SND1: variants seen among roughly 807,000 people sequenced by gnomAD.
The protein encoded by SND1 is staphylococcal nuclease domain-containing protein 1.
A neutral mutation model predicts 121.7 loss-of-function variants in SND1; 38 were observed. The ratio of observed to expected loss-of-function variants is 0.31; its 90% CI spans 0.24 to 0.41. The LOEUF (loss-of-function observed/expected upper bound fraction) is 0.41, where lower values mean the gene tolerates loss of function less well. Among genes scored for constraint, SND1 ranks in the 10% least tolerant of loss-of-function variants. The probability of loss-of-function intolerance (pLI) is 1.00; values close to 1 mark genes in which losing one functional copy is unlikely to be tolerated. For synonymous variants in SND1, 401 were observed against 447.4 expected (o/e 0.90, Z 1.31); for missense variants, 868 against 1,184.6 (o/e 0.73, Z 3.92).
intron 15 of SND1, among the ~76,000 whole-genome samples, chr7:127,953,158 G>C (rs1308563167): frequency 4.5e-3 from 21 of 4,616 alleles, no homozygotes; most frequent in Admixed American, 8.4e-3. Context: ...GACCGTGTGT[G>C]TGTGTGTGTG....
At chr7:127,660,042 G>A (rs3808108) in intron 1 of SND1, among the ~76,000 whole-genome samples, 8 of 148,182 alleles carry the variant, frequency 5.4e-5, no homozygotes, top group African/African-American at 1.0e-4. Context: ...TTTAGTTTGA[G>A]AAAGAAGATT....
intron 13 of SND1, among the ~76,000 whole-genome samples, chr7:127,890,006 C>T (rs1057111658): frequency 2.6e-5 from 4 of 152,032 alleles, no homozygotes; most frequent in Non-Finnish European, 4.4e-5. Flanking sequence ...GATATCTCTT[C>T]GATATACTAA....
At chr7:128,045,392 C>T (rs920044792) in intron 16 of SND1, among the ~76,000 whole-genome samples, 3 of 152,202 alleles carry the variant, frequency 2.0e-5, no homozygotes, top group African/African-American at 7.2e-5. Flanking sequence ...TCCATCCTGT[C>T]AGTTCTTATT....
At chr7:127,791,951 T>C (rs1200418082) in intron 10 of SND1, among the ~76,000 whole-genome samples, 1 of 152,258 alleles carries the variant, frequency 6.6e-6, no homozygotes, top group African/African-American at 2.4e-5. Context: ...AGCCTTCCTG[T>C]GATTGGGCTT....
intron 16 of SND1, among the ~76,000 whole-genome samples, chr7:128,002,696 A>G (rs1274906915): frequency 6.6e-6 from 1 of 152,186 alleles, no homozygotes; most frequent in Non-Finnish European, 1.5e-5. Flanking sequence ...GTCCTCTGTG[A>G]CATTGTCACA....
At chr7:127,931,874 T>C (rs147834550) in intron 15 of SND1, among the ~76,000 whole-genome samples, 452 of 152,290 alleles carry the variant, frequency 3.0e-3, no homozygotes, top group Middle Eastern at 0.017. Flanking sequence ...TTTTAAGCCC[T>C]TTGTTGAGAC....
At chr7:127,968,644 T>C (rs1336624351) in intron 15 of SND1, among the ~76,000 whole-genome samples, 2 of 152,224 alleles carry the variant, frequency 1.3e-5, no homozygotes, top group Non-Finnish European at 2.9e-5. Context: ...CCTTTTTCGA[T>C]GTCTAAGAAA....
chr7:127,698,067 C>A (rs1050798506), intron 3 of SND1, among the ~76,000 whole-genome samples: 2 of 152,178 alleles, frequency 1.3e-5, no homozygotes, highest in African/African-American at 4.8e-5. Context: ...TTTCAAGTGC[C>A]TGGGTAGAAC....
chr7:128,046,418 T>C (rs1427687848), intron 16 of SND1, among the ~76,000 whole-genome samples: 1 of 143,664 alleles, frequency 7.0e-6, no homozygotes, highest in Non-Finnish European at 1.5e-5. Flanking sequence ...CAGGCCAGAG[T>C]GCAGTGGCAT....
intron 11 of SND1, among the ~76,000 whole-genome samples, chr7:127,837,702 A>T (rs1798892127): frequency 6.6e-6 from 1 of 152,234 alleles, no homozygotes; most frequent in Non-Finnish European, 1.5e-5. Context: ...TGTGTGTTTT[A>T]AAATGTTTAA....
intron 10 of SND1, among the ~76,000 whole-genome samples, chr7:127,750,238 G>C (rs994939336): frequency 6.6e-6 from 1 of 152,184 alleles, no homozygotes; most frequent in Non-Finnish European, 1.5e-5. Context: ...ACTGCAGATA[G>C]GTCATAGCGT....
chr7:127,653,629 C>G (rs1379835292), intron 1 of SND1, among the ~76,000 whole-genome samples: 1 of 152,102 alleles, frequency 6.6e-6, no homozygotes, highest in African/African-American at 2.4e-5. Context: ...GGCAACATAG[C>G]AAGACCCAGT....
At chr7:127,856,225 C>T (rs754443185) in intron 12 of SND1, among the ~76,000 whole-genome samples, 11 of 152,276 alleles carry the variant, frequency 7.2e-5, no homozygotes, top group Non-Finnish European at 1.2e-4. Context: ...TTAATAAAAA[C>T]AGTATATTGG....
chr7:128,043,861 T>TAC (rs1245346212), intron 16 of SND1, among the ~76,000 whole-genome samples: 17 of 48,920 alleles, frequency 3.5e-4, no homozygotes, highest in Non-Finnish European at 3.6e-4. Flanking sequence ...TATATACACA[T>TAC]ATACACACAC....
At chr7:128,079,762 A>G (rs945222488) in intron 17 of SND1, among the ~76,000 whole-genome samples, 1 of 152,248 alleles carries the variant, frequency 6.6e-6, no homozygotes, top group Non-Finnish European at 1.5e-5. Context: ...TCTGCATTTC[A>G]GCTGAGAGAG....
intron 10 of SND1, among the ~76,000 whole-genome samples, chr7:127,764,930 G>A (rs1025863570): frequency 6.6e-6 from 1 of 152,140 alleles, no homozygotes; most frequent in African/African-American, 2.4e-5. Flanking sequence ...GGGGAAATCG[G>A]GCGGAACTAT....
intron 2 of SND1, among the ~76,000 whole-genome samples, chr7:127,693,543 AT>A (rs1405185236): frequency 6.6e-6 from 1 of 152,052 alleles, no homozygotes; most frequent in Non-Finnish European, 1.5e-5. Flanking sequence ...TCATATGGAT[AT>A]TTTTCTTCTA....
chr7:127,754,124 T>C (rs2116462222), intron 10 of SND1, among the ~76,000 whole-genome samples: 1 of 152,362 alleles, frequency 6.6e-6, no homozygotes, highest in Admixed American at 6.5e-5. Context: ...ATGTGGTGTG[T>C]CATTTTGTGT....
intron 22 of SND1, 93 bp from the exon 23 acceptor site, chr7:128,091,744 G>C: frequency 7.6e-7 from 1 of 1,322,596 alleles, no homozygotes; most frequent in Non-Finnish European, 1.1e-6. Flanking sequence ...GCAAGGGAGA[G>C]CTCTGGCGCT....
Sources: allele counts gnomAD v4.1 joint callset (sites outside exome capture counted in the v4.1 genomes callset), GRCh38; gene constraint gnomAD v4.1.1; transcripts MANE v1.5; gene names NCBI Gene and HGNC (gene_info 2026-07-23, HGNC 2026-07-21).